The following ZNF780B variants were observed in gnomAD, a reference collection of about 807,000 sequenced individuals.
ZNF780B encodes zinc finger protein 779.
In ZNF780B, 52 loss-of-function variants were observed where a neutral mutation model predicts 74.1. The ratio of observed to expected loss-of-function variants is 0.70; its 90% CI spans 0.56 to 0.88. The LOEUF (loss-of-function observed/expected upper bound fraction) is 0.88. Ranked by LOEUF, ZNF780B falls within the 40% of genes least tolerant of loss-of-function variation. ZNF780B has a pLI of 0.00. For missense variants in ZNF780B, 953 were observed against 1,007.6 expected (o/e 0.95, Z 0.73); for synonymous variants, 315 against 324.3 (o/e 0.97, Z 0.31).
At position 40,035,689 on chromosome 19, in the gene ZNF780B, T is replaced by C; in HGVS notation, c.1170A>G (p.Glu390=). The C allele has an allele frequency of 1.9e-6, 3 of 1,614,154 alleles. No homozygotes were observed. The highest frequency in any genetic ancestry group is 2.2e-5 in the East Asian group (1 of 44,874). ...TAAAGGACTTCCCACATTCTTTACA[T>C]TCAAATGGTTTTTCACCTGTGTGAA... The part of the protein sequence containing the change: ...KNIHTGEKPF[E]CKECGKSFNR... The change falls in exon 5 of 5, where the codon GAA becomes GAG. Residue 390 remains glutamate (E), a synonymous_variant. Transcript: ENST00000434248.
Position 40,035,023 on chromosome 19 carries a change from G to A in ZNF780B, c.1836C>T (p.Pro612=), listed in dbSNP as rs1316932160. The change falls in exon 5 of 5, where the codon CCC becomes CCT. Residue 612 remains proline (P), a synonymous_variant. Transcript: ENST00000434248. ...RHQKFHTGEK[P]FECKECGKAF... is the part of the protein sequence containing the mutation. ...CCTTGCCACATTCCTTACATTCAAA[G>A]GGCTTCTCACCAGTATGAAATTTCT... 3 of 1,613,614 alleles carry A rather than the reference G, an allele frequency of 1.9e-6. No individual in the cohort carries two copies. Among genetic ancestry groups the A allele is most frequent in the Non-Finnish European group, 2.5e-6 (3 of 1,179,834 alleles).
At chr19:40,048,557 G>A (rs1232508481) in intron 3 of ZNF780B, 113 bp downstream of exon 3, 1 of 1,522,986 alleles carries the variant, frequency 6.6e-7, no homozygotes, top group African/African-American at 1.4e-5. Flanking sequence ...ATTCCTTCGG[G>A]AATAAGAAGA....
At position 40,035,793 on chromosome 19, in the gene ZNF780B, T is replaced by C; in HGVS notation, c.1066A>G (p.Met356Val). ...TKLVRHQKIH[M>V]GEKPFECREC... ...CTGCATTCAAAGGGCTTCTCACCCA[T>C]ATGAATCTTCTGATGTCGAACAAGC... The change falls in exon 5 of 5, where the codon ATG becomes GTG. Residue 356 changes from methionine (M) to valine (V), a missense_variant. Physicochemically the swap from Met to Val is conservative, Grantham distance 21. Transcript: ENST00000434248. 6 of 1,614,138 alleles carry C rather than the reference T, an allele frequency of 3.7e-6. No homozygotes were observed. The highest frequency in any genetic ancestry group is 5.1e-6 in the Non-Finnish European group (6 of 1,180,018).
Position 40,035,686 on chromosome 19 carries a change from A to G in ZNF780B, c.1173T>C (p.Cys391=), listed in dbSNP as rs759894434. 15 of 1,614,000 alleles carry G rather than the reference A, an allele frequency of 9.3e-6. No individual in the cohort carries two copies. The highest frequency in any genetic ancestry group is 4.0e-5 in the African/African-American group (3 of 74,894). ...NIHTGEKPFE[C]KECGKSFNRS... ...GATTAAAGGACTTCCCACATTCTTT[A>G]CATTCAAATGGTTTTTCACCTGTGT... Residue 391 remains cysteine (C), a synonymous_variant, in exon 5 of 5, where the codon TGT becomes TGC. Transcript: ENST00000434248.
intron 2 of ZNF780B, 113 bp downstream of exon 2, chr19:40,050,196 CAAAAAAAAAAAAAAA>C (rs74179712): frequency 5.1e-6 from 2 of 391,030 alleles, no homozygotes; most frequent in South Asian, 2.7e-5. Context: ...GACTCCGTCT[CAAAAAAAAAAAAAAA>C]AAAAAAAAAA....
At chr19:40,038,054 C>T (rs1429861924) in intron 4 of ZNF780B, among the ~76,000 whole-genome samples, 1 of 151,896 alleles carries the variant, frequency 6.6e-6, no homozygotes, top group African/African-American at 2.4e-5. Context: ...CTAATGCTAT[C>T]CCTCCCCACC....
At position 40,032,231 on chromosome 19, in the gene ZNF780B, G is replaced by A. The variant is rs1228790628; in HGVS notation, c.*2126C>T. On this transcript the variant is annotated 3_prime_UTR_variant, in exon 5 of 5. Transcript: ENST00000434248. ...GGTTGGTATCACAGACACAAAACCT[G>A]GAGAAATAATAAAAAACAGAGGCCC... 2.8e-6 allele frequency: 1 copy of A among 359,418 alleles called. No individual in the cohort carries two copies. The highest frequency in any genetic ancestry group is 5.4e-6 in the Non-Finnish European group (1 of 183,754). The allele number at this position is 359,418 out of a possible 1,614,324, so 22.3% of individuals were successfully genotyped here. A position where few individuals can be genotyped will look rare whatever the true frequency, so the allele number is the denominator to read the frequency against.
rs553498158 is a variant in ZNF780B at position 40,034,810 on chromosome 19, G to T, written c.2049C>A (p.Asn683Lys). Residue 683 changes from asparagine to lysine, a missense_variant, in exon 5 of 5, where the codon AAC (asparagine) becomes AAA (lysine). Transcript: ENST00000434248. ...ECGKGFSRVS[N>K]LIQHQKTHSS... ...AATGAGTTTTCTGATGCTGAATAAG[G>T]TTTGAAACACGACTAAAGCCTTTCC... 1.2e-6 allele frequency: 2 copies of T among 1,611,876 alleles called. No individual in the cohort carries two copies. The highest frequency in any genetic ancestry group is 2.2e-5 in the South Asian group (2 of 90,978).
intron 1 of ZNF780B, among the ~76,000 whole-genome samples, chr19:40,053,299 G>A (rs1331857723): frequency 1.3e-5 from 2 of 152,124 alleles, no homozygotes; most frequent in African/African-American, 4.8e-5. Flanking sequence ...AATGGCTACA[G>A]TATATGAAAA....
chr19:40,034,298 T>TC lies in ZNF780B; in HGVS notation c.*58dup. On this transcript the variant is annotated 3_prime_UTR_variant, in exon 5 of 5. Transcript: ENST00000434248. The stretch of plus-strand genomic sequence containing the variant: ...TCTCACGAATATGAAATCTATAATG[T>TC]CCATGAAATTGGTAATGATATTGAA... 1 of 1,358,840 alleles carries TC rather than the reference T, an allele frequency of 7.4e-7. No homozygotes were observed. The highest frequency in any genetic ancestry group is 2.3e-5 in the East Asian group (1 of 43,534). 84.2% of individuals were successfully genotyped at this position (1,358,840 alleles called of 1,614,324 possible). A position where few individuals can be genotyped will look rare whatever the true frequency, so the allele number is the denominator to read the frequency against.
chr19:40,036,519 C>T lies in ZNF780B; in HGVS notation c.340G>A (p.Glu114Lys), dbSNP rs73930688. The part of the protein sequence containing the change: ...IKQISKTLGL[E>K]AFYFRNDSEY... Reference sequence around the variant, plus strand: ...GAGTCATTTCTAAAATAAAAGGCCTCGAGGCCAAGTGTTTTACTTATTTGC... The same window carrying T: ...GAGTCATTTCTAAAATAAAAGGCCTTGAGGCCAAGTGTTTTACTTATTTGC... Residue 114 changes from glutamate (E) to lysine (K), a missense_variant, in exon 5 of 5, where the codon GAG becomes AAG. By Grantham distance (56) the Glu-to-Lys change is moderately conservative. Coordinates refer to ENST00000434248, the MANE Select transcript of ZNF780B (RefSeq NM_001005851.3). 8.6e-4 allele frequency: 1,387 copies of T among 1,605,634 alleles called. 10 individuals carry two copies. The African/African-American group carries it at 0.017, about 19-fold the overall frequency.
At chr19:40,037,831 C>T (rs1206301279) in intron 4 of ZNF780B, among the ~76,000 whole-genome samples, 4 of 151,662 alleles carry the variant, frequency 2.6e-5, no homozygotes, top group Non-Finnish European at 4.4e-5. Flanking sequence ...GCTTCATCTT[C>T]CAAGAATCGT....
chr19:40,042,109 C>G (rs2144765347), intron 4 of ZNF780B, among the ~76,000 whole-genome samples: 1 of 152,232 alleles, frequency 6.6e-6, no homozygotes, highest in South Asian at 2.1e-4. Flanking sequence ...CTGGTGGTGA[C>G]AAAATCCCTC....
At chr19:40,050,216 A>G (rs1973149204) in intron 2 of ZNF780B, 108 bp downstream of exon 2, 1 of 1,182,202 alleles carries the variant, frequency 8.5e-7, no homozygotes. Context: ...AAAAAAAAAA[A>G]AAAAAAATCG....
chr19:40,037,180 G>A (rs886209067), intron 4 of ZNF780B, among the ~76,000 whole-genome samples: 1 of 150,880 alleles, frequency 6.6e-6, no homozygotes, highest in Non-Finnish European at 1.5e-5. Context: ...CTCCCAAAGT[G>A]CTGGGATTAC....
rs1392003933 is a variant in ZNF780B, at chr19:40,039,583, T to C, written c.233-2957A>G. Among the ~76,000 whole-genome samples, 1,169 of 151,780 alleles carry C rather than the reference T, an allele frequency of 7.7e-3. 6 individuals are homozygous for C. Among genetic ancestry groups the C allele is most frequent in the Non-Finnish European group, 0.012 (779 of 67,726 alleles). On this transcript the variant is annotated intron_variant, in intron 4 of 4. Transcript: ENST00000434248. ...TCCATTTGTTTGTATCCTCTTTTAT[T>C]TCCTTGAGCAGTGGTTTGTAGTTCT...
intron 4 of ZNF780B, among the ~76,000 whole-genome samples, chr19:40,039,694 T>C (rs1972534853): frequency 6.6e-6 from 1 of 152,250 alleles, no homozygotes; most frequent in African/African-American, 2.4e-5. Context: ...AGTTCACTCA[T>C]AATTTGGCTC....
chr19:40,050,467 C>A (rs1054550246), intron 1 of ZNF780B, 90 bp from the exon 2 acceptor site: 9 of 1,272,048 alleles, frequency 7.1e-6, no homozygotes, highest in Non-Finnish European at 9.9e-6. Context: ...ATTCCTATTT[C>A]TCAACTACTC....
At chr19:40,048,543 A>G in intron 3 of ZNF780B, 127 bp downstream of exon 3, 1 of 1,486,774 alleles carries the variant, frequency 6.7e-7, no homozygotes. Context: ...ACAAATCTCA[A>G]TCCATTCCTT....
Sources: allele counts gnomAD v4.1 joint callset (sites outside exome capture counted in the v4.1 genomes callset), GRCh38; gene constraint gnomAD v4.1.1; transcripts MANE v1.5; gene names NCBI Gene and HGNC (gene_info 2026-07-23, HGNC 2026-07-21).